Variants in BEGAIN observed in about 807,000 individuals in gnomAD.
BEGAIN encodes brain enriched guanylate kinase associated.
In BEGAIN, 19 loss-of-function variants were observed where a neutral mutation model predicts 35.8. The observed-to-expected ratio is 0.53, with a 90% CI of 0.37 to 0.78. The LOEUF (loss-of-function observed/expected upper bound fraction) is 0.78, where lower values mean the gene tolerates loss of function less well. Ranked by LOEUF, BEGAIN falls within the 30% of genes least tolerant of loss-of-function variation. BEGAIN has a pLI of 0.00. For missense variants in BEGAIN, 795 were observed against 853.6 expected (o/e 0.93, Z 0.85); for synonymous variants, 462 against 388.6 (o/e 1.19, Z -2.22).
intron 1 of BEGAIN, chr14:100,577,919 A>G: frequency 2.5e-6 from 1 of 399,160 alleles, no homozygotes; most frequent in African/African-American, 2.1e-5. Flanking sequence ...GTAGGGTTAG[A>G]GCCCCGTGCC....
chr14:100,546,448 C>A (rs1391854987), intron 3 of BEGAIN, 53 bp downstream of exon 3: 2 of 193,206 alleles, frequency 1.0e-5, no homozygotes, highest in African/African-American at 5.5e-5. Flanking sequence ...CCCGCCCCGG[C>A]CCTCGCCCCG....
In BEGAIN at chr14:100,568,936, G is replaced by T. The variant is rs560682828; in HGVS notation, c.43-997C>A. ...ATGACTGCCCATCCCGGCCCCTCGC[G>T]CCGGGCGCCGCCGCCGCGTCCGCCG... On this transcript the variant is annotated intron_variant, in intron 1 of 6. Transcript: ENST00000554140. The surrounding 1 kb of genome is among the most constrained non-coding windows in gnomAD (Gnocchi z 7.5). The T allele has an allele frequency of 1.0e-5, 10 of 983,466 alleles. No homozygotes were observed. In the African/African-American group the frequency reaches 1.8e-4, roughly 17 times the overall value. The allele number at this position is 983,466 out of a possible 1,614,324, so 60.9% of individuals were successfully genotyped here.
At position 100,568,844 on chromosome 14, in the gene BEGAIN, C is replaced by G; in HGVS notation, c.43-905G>C. 1 of 986,386 alleles carries G rather than the reference C, an allele frequency of 1.0e-6. No homozygotes were observed. The highest frequency in any genetic ancestry group is 1.2e-6 in the Non-Finnish European group (1 of 830,790). The allele number at this position is 986,386 out of a possible 1,614,324, so 61.1% of individuals were successfully genotyped here. A position where few individuals can be genotyped will look rare whatever the true frequency, so the allele number is the denominator to read the frequency against. On this transcript the variant is annotated intron_variant, in intron 1 of 6. Coordinates refer to ENST00000554140, the MANE Select transcript of BEGAIN (RefSeq NM_001385089.1). The surrounding 1 kb of genome is among the most constrained non-coding windows in gnomAD (Gnocchi z 7.5). ...CGGGGCTTTGCCCGTCTTTCTGTGCCGTGACTGGCACTCAAGGGGGACAGG... is the reference window on the plus strand; with the variant it reads ...CGGGGCTTTGCCCGTCTTTCTGTGCGGTGACTGGCACTCAAGGGGGACAGG...
At chr14:100,559,605 A>T (rs2034058725) in intron 2 of BEGAIN, among the ~76,000 whole-genome samples, 1 of 152,218 alleles carries the variant, frequency 6.6e-6, no homozygotes, top group Non-Finnish European at 1.5e-5. Flanking sequence ...GCTGCTCACC[A>T]CTGCAAACAG....
At chr14:100,583,661 T>C (rs911430781) in intron 1 of BEGAIN, among the ~76,000 whole-genome samples, 10 of 151,192 alleles carry the variant, frequency 6.6e-5, no homozygotes, top group Admixed American at 6.6e-5. Flanking sequence ...CTTTTTTTCT[T>C]TCTTTCTCTC....
chr14:100,585,821 C>T (rs1299356996), intron 1 of BEGAIN, among the ~76,000 whole-genome samples: 1 of 152,204 alleles, frequency 6.6e-6, no homozygotes, highest in African/African-American at 2.4e-5. Flanking sequence ...ACAAACGGAA[C>T]GCGGAGCCTT....
chr14:100,540,614 C>T (rs971396369), intron 5 of BEGAIN, 35 bp from the exon 6 acceptor site: 7 of 1,534,398 alleles, frequency 4.6e-6, no homozygotes, highest in Middle Eastern at 1.7e-4. Flanking sequence ...GCGCCATTCA[C>T]CCCAGCCAAG....
chr14:100,567,669 G>T lies in BEGAIN; in HGVS notation c.71+242C>A, dbSNP rs2034819457. 6.6e-6 allele frequency among the ~76,000 whole-genome samples: 1 copy of T among 151,482 alleles called. No individual in the cohort carries two copies. Among genetic ancestry groups the T allele is most frequent in the South Asian group, 2.1e-4 (1 of 4,826 alleles). On this transcript the variant is annotated intron_variant, in intron 2 of 6. Coordinates refer to ENST00000554140, the MANE Select transcript of BEGAIN (RefSeq NM_001385089.1). This position sits in a 1 kb window ranked among gnomAD's most constrained non-coding sequence, Gnocchi z 5.1. The stretch of plus-strand genomic sequence containing the variant: ...GTAGGGGGCAGCCCGGCCCTCAGTG[G>T]CGCTAGCCCCAGCCCCCGCCGCAGC...
At chr14:100,561,788 C>T (rs993964421) in intron 2 of BEGAIN, among the ~76,000 whole-genome samples, 1 of 152,008 alleles carries the variant, frequency 6.6e-6, no homozygotes, top group Non-Finnish European at 1.5e-5. Context: ...AACCTAGGTG[C>T]GTCTACCTTC....
chr14:100,544,023 A>G, intron 4 of BEGAIN, 58 bp from the exon 5 acceptor site: 1 of 1,329,114 alleles, frequency 7.5e-7, no homozygotes, highest in Non-Finnish European at 1.1e-6. Flanking sequence ...GAGCCAACCC[A>G]GTCGCTCGAT....
intron 1 of BEGAIN, chr14:100,577,292 C>A: frequency 2.5e-6 from 1 of 398,898 alleles, no homozygotes; most frequent in Non-Finnish European, 4.4e-6. Flanking sequence ...GGGAAGAGAC[C>A]TCTGGGGTTG....
chr14:100,560,891 G>T (rs536973967), intron 2 of BEGAIN, among the ~76,000 whole-genome samples: 3 of 152,306 alleles, frequency 2.0e-5, no homozygotes, highest in Admixed American at 2.0e-4. Context: ...CCAGAGCCTC[G>T]GTGGGTCCAT....
chr14:100,540,431 G>A (rs781432425), intron 6 of BEGAIN, 65 bp downstream of exon 6: 10 of 1,240,492 alleles, frequency 8.1e-6, no homozygotes, highest in Non-Finnish European at 1.1e-5. Context: ...CTTTGGGGTA[G>A]CACTGGCACA....
At chr14:100,569,116 T>A (rs1245508840) in intron 1 of BEGAIN, 1 of 177,756 alleles carries the variant, frequency 5.6e-6, no homozygotes, top group Non-Finnish European at 1.1e-5. Flanking sequence ...GGGCCGGCCT[T>A]CCGGCGCTCT....
At chr14:100,540,786 C>G (rs112897709) in intron 5 of BEGAIN, among the ~76,000 whole-genome samples, 1 of 152,186 alleles carries the variant, frequency 6.6e-6, no homozygotes, top group Non-Finnish European at 1.5e-5. Context: ...CTGGGGCTGC[C>G]GGAGCATGGA....
intron 1 of BEGAIN, chr14:100,577,587 C>G (rs1180584045): frequency 5.0e-6 from 2 of 398,992 alleles, no homozygotes. Flanking sequence ...TCCCAGGGTC[C>G]AGAACCCGCA....
intron 5 of BEGAIN, among the ~76,000 whole-genome samples, chr14:100,543,303 T>G (rs955915974): frequency 6.7e-6 from 1 of 150,140 alleles, no homozygotes; most frequent in Non-Finnish European, 1.5e-5. Context: ...TGTTTTTTTT[T>G]TTGTTTTTTT....
Position 100,538,932 on chromosome 14 carries a change from GGCC to G in BEGAIN, c.873_875del (p.Glu291_Ala292delinsAsp). ...AGCCCGCCGGGAAGGCCGCCGCCTC[GGCC>G]TCCTCCTCCTCCTCGGCCGCGCTGT... On this transcript the variant is annotated inframe_deletion, in exon 7 of 7. Coordinates refer to ENST00000554140, the MANE Select transcript of BEGAIN (RefSeq NM_001385089.1). 6.2e-7 allele frequency: 1 copy of G among 1,608,200 alleles called. No homozygotes were observed.
intron 6 of BEGAIN, among the ~76,000 whole-genome samples, chr14:100,539,563 C>T (rs2031242151): frequency 6.6e-6 from 1 of 152,152 alleles, no homozygotes; most frequent in South Asian, 2.1e-4. Context: ...CCACCCCACT[C>T]TGATTGGGCC....
Sources: gnomAD v4.1 joint callset for allele counts (sites outside exome capture counted in the v4.1 genomes callset) on GRCh38, gnomAD v4.1.1 for gene constraint, Gnocchi (gnomAD v3.1) non-coding constraint, MANE v1.5 for transcripts, NCBI Gene and HGNC (gene_info 2026-07-23, HGNC 2026-07-21) for gene names.